The following VAT1L variants were observed in gnomAD, a reference collection of about 807,000 sequenced individuals.
The protein encoded by VAT1L is putative NADPH-dependent quinone oxidoreductase VAT1L.
In VAT1L, 34 loss-of-function variants were observed where a neutral mutation model predicts 44.1. That is an observed-to-expected ratio of 0.77 (90% CI 0.59 to 1.03). The LOEUF (loss-of-function observed/expected upper bound fraction) is 1.03, where lower values mean the gene tolerates loss of function less well. VAT1L is among the 50% of genes least tolerant of loss of function. VAT1L has a pLI of 0.00. For synonymous variants in VAT1L, 253 were observed against 202.2 expected, an observed-to-expected ratio of 1.25 and a Z score of -2.13; for missense variants, 615 against 538.8, an observed-to-expected ratio of 1.14 and a Z score of -1.40.
chr16:77,796,038 C>T lies in VAT1L; in HGVS notation c.233+7123C>T, dbSNP rs183827958. ...ACAGGGTTTCGCCATGTTGGCCAGGCTGGTCTCGAATTCCTGACCTCAGGT... is the reference window on the plus strand; with the variant it reads ...ACAGGGTTTCGCCATGTTGGCCAGGTTGGTCTCGAATTCCTGACCTCAGGT... On this transcript the variant is annotated intron_variant, in intron 1 of 8. Coordinates refer to ENST00000302536, the MANE Select transcript of VAT1L (RefSeq NM_020927.3). Among the ~76,000 whole-genome samples the T allele has an allele frequency of 6.6e-3, 1,005 of 152,218 alleles. 5 individuals are homozygous for T. The highest frequency in any genetic ancestry group is 0.02 in the Middle Eastern group (6 of 294).
rs185559682 is a variant in VAT1L, at chr16:77,817,099, G to A, written c.363+49G>A. On this transcript the variant is annotated intron_variant, in intron 2 of 8. Transcript: ENST00000302536. ...GAGTAATATTCATTTGGAATCCATT[G>A]AGACAACAAAAGATGATGCAGAAAG... 27 of 1,588,260 alleles carry A rather than the reference G, an allele frequency of 1.7e-5. No homozygotes were observed. In the African/African-American group the frequency reaches 3.5e-4, roughly 21 times the overall value.
At chr16:77,938,375 C>G (rs1280098468) in intron 7 of VAT1L, among the ~76,000 whole-genome samples, 2 of 152,194 alleles carry the variant, frequency 1.3e-5, no homozygotes, top group Non-Finnish European at 2.9e-5. Context: ...AATCTGTTTT[C>G]TAGAACTTAT....
intron 1 of VAT1L, among the ~76,000 whole-genome samples, chr16:77,805,950 C>A (rs1176008945): frequency 8.3e-5 from 12 of 144,106 alleles, no homozygotes; most frequent in African/African-American, 3.0e-4. Context: ...GCAACCACCA[C>A]CTCCAGGGTT....
At chr16:77,803,091 C>G (rs997200888) in intron 1 of VAT1L, among the ~76,000 whole-genome samples, 4 of 152,216 alleles carry the variant, frequency 2.6e-5, no homozygotes, top group African/African-American at 7.2e-5. Flanking sequence ...GTGCTAAGCA[C>G]TGAACATTGA....
intron 3 of VAT1L, among the ~76,000 whole-genome samples, chr16:77,860,403 G>A (rs1029075895): frequency 6.6e-6 from 1 of 152,178 alleles, no homozygotes; most frequent in Non-Finnish European, 1.5e-5. Flanking sequence ...TCAGTGGGCA[G>A]CTTGGGACCG....
At chr16:77,828,516 A>T (rs1350655073) in intron 3 of VAT1L, among the ~76,000 whole-genome samples, 1 of 152,172 alleles carries the variant, frequency 6.6e-6, no homozygotes, top group African/African-American at 2.4e-5. Context: ...ATACAAAATT[A>T]GCTGGGCATG....
chr16:77,969,803 G>A (rs1398699697), intron 7 of VAT1L, among the ~76,000 whole-genome samples: 1 of 151,976 alleles, frequency 6.6e-6, no homozygotes, highest in Admixed American at 6.6e-5. Context: ...GTGGGCAGTA[G>A]CTATAATGAA....
At chr16:77,955,240 T>A (rs563035724) in intron 7 of VAT1L, among the ~76,000 whole-genome samples, 1 of 152,212 alleles carries the variant, frequency 6.6e-6, no homozygotes, top group South Asian at 2.1e-4. Flanking sequence ...CTGGAGGTGC[T>A]TTTGCCTCCC....
intron 7 of VAT1L, among the ~76,000 whole-genome samples, chr16:77,913,866 G>A (rs1009795104): frequency 7.9e-5 from 12 of 152,196 alleles, no homozygotes; most frequent in Non-Finnish European, 1.8e-4. Flanking sequence ...TAGGGGAGGT[G>A]AAAGAGCCAG....
At chr16:77,916,368 T>C (rs2017552183) in intron 7 of VAT1L, among the ~76,000 whole-genome samples, 1 of 152,228 alleles carries the variant, frequency 6.6e-6, no homozygotes, top group Non-Finnish European at 1.5e-5. Flanking sequence ...ATTCAGGCCC[T>C]ACCTGAGCCA....
At chr16:77,903,949 G>A (rs1425185988) in intron 7 of VAT1L, among the ~76,000 whole-genome samples, 1 of 151,728 alleles carries the variant, frequency 6.6e-6, no homozygotes, top group Non-Finnish European at 1.5e-5. Flanking sequence ...TGTTAGCAAG[G>A]ATGGTCTCGA....
At chr16:77,923,514 G>A (rs975511781) in intron 7 of VAT1L, among the ~76,000 whole-genome samples, 1 of 152,140 alleles carries the variant, frequency 6.6e-6, no homozygotes, top group Non-Finnish European at 1.5e-5. Context: ...TTGGTCCCTG[G>A]AAAGATTGAT....
chr16:77,907,264 CCA>C (rs1462443945), intron 7 of VAT1L, among the ~76,000 whole-genome samples: 1 of 152,178 alleles, frequency 6.6e-6, no homozygotes, highest in Non-Finnish European at 1.5e-5. Flanking sequence ...GACTCCAGTT[CCA>C]CAGAGTTGGC....
chr16:77,938,670 C>T (rs1417009898), intron 7 of VAT1L, among the ~76,000 whole-genome samples: 1 of 152,046 alleles, frequency 6.6e-6, no homozygotes, highest in Non-Finnish European at 1.5e-5. Flanking sequence ...CTGAGGCCTC[C>T]CCGGAAGCCA....
intron 7 of VAT1L, among the ~76,000 whole-genome samples, chr16:77,919,062 G>C (rs2017582954): frequency 6.6e-6 from 1 of 152,198 alleles, no homozygotes; most frequent in Non-Finnish European, 1.5e-5. Flanking sequence ...TAGGGGAGAG[G>C]AAGTGCATTG....
At chr16:77,798,749 A>G (rs2015986347) in intron 1 of VAT1L, among the ~76,000 whole-genome samples, 1 of 152,232 alleles carries the variant, frequency 6.6e-6, no homozygotes, top group African/African-American at 2.4e-5. Flanking sequence ...GACATATACA[A>G]GAAGATCAAG....
At chr16:77,824,042 A>G (rs2914459) in intron 2 of VAT1L, among the ~76,000 whole-genome samples, 91,337 of 152,036 alleles carry the variant, frequency 0.6, 28,440 homozygotes, top group South Asian at 0.73. Context: ...AAAGAAAAGA[A>G]AAAGAAAAAC....
intron 2 of VAT1L, among the ~76,000 whole-genome samples, chr16:77,821,611 A>C (rs949925219): frequency 2.0e-5 from 3 of 152,074 alleles, no homozygotes; most frequent in Non-Finnish European, 4.4e-5. Flanking sequence ...TGTCTTTACC[A>C]CTTACAACTG....
chr16:77,963,636 A>G lies in VAT1L; in HGVS notation c.1078-8214A>G, dbSNP rs1285061306. Among the ~76,000 whole-genome samples the G allele has an allele frequency of 2.6e-5, 4 of 151,712 alleles. 1 individual carries two copies. Among genetic ancestry groups the G allele is most frequent in the Admixed American group, 1.3e-4 (2 of 15,226 alleles). The stretch of plus-strand genomic sequence containing the variant: ...TTCGTAGAAAATAAAGGGGGGAAAA[A>G]CCCACAGTGTCACCGAGAGGCTGGG... On this transcript the variant is annotated intron_variant, in intron 7 of 8. Coordinates refer to ENST00000302536, the MANE Select transcript of VAT1L (RefSeq NM_020927.3).
Sources: allele counts gnomAD v4.1 joint callset (sites outside exome capture counted in the v4.1 genomes callset), GRCh38; gene constraint gnomAD v4.1.1; transcripts MANE v1.5; gene names NCBI Gene and HGNC (gene_info 2026-07-23, HGNC 2026-07-21).